The following GRM7 variants were observed in gnomAD, a reference collection of about 807,000 sequenced individuals.
GRM7 encodes glutamate metabotropic receptor 7.
A neutral mutation model predicts 84.5 loss-of-function variants in GRM7; 35 were observed. The observed-to-expected ratio is 0.41, with a 90% CI of 0.32 to 0.55. The LOEUF (loss-of-function observed/expected upper bound fraction) is 0.55, where lower values mean the gene tolerates loss of function less well. Ranked by LOEUF, GRM7 falls within the 20% of genes least tolerant of loss-of-function variation. The pLI is 0.19. For missense variants in GRM7, 1,003 were observed against 1,194.6 expected, an observed-to-expected ratio of 0.84 and a Z score of 2.36; for synonymous variants, 487 against 455.1, an observed-to-expected ratio of 1.07 and a Z score of -0.89.
chr3:7,385,415 C>A (rs898297367), intron 4 of GRM7, among the ~76,000 whole-genome samples: 3 of 150,480 alleles, frequency 2.0e-5, no homozygotes, highest in African/African-American at 7.3e-5. Flanking sequence ...ATTCTCCTGC[C>A]TCAGCCTCTT....
chr3:7,631,872 G>C (rs1170877145), intron 8 of GRM7, among the ~76,000 whole-genome samples: 4 of 152,204 alleles, frequency 2.6e-5, no homozygotes, highest in Non-Finnish European at 5.9e-5. Flanking sequence ...GTGTGTCTGT[G>C]TGTGTATCTG....
rs1351285503 is a variant in GRM7 at position 7,303,141 on chromosome 3, C to T, written c.879-3357C>T. Among the ~76,000 whole-genome samples the T allele has an allele frequency of 2.6e-5, 4 of 152,018 alleles. No individual in the cohort carries two copies. The South Asian group carries it at 6.2e-4, about 24-fold the overall frequency. On this transcript the variant is annotated intron_variant, in intron 3 of 9. Coordinates refer to ENST00000357716, the MANE Select transcript of GRM7 (RefSeq NM_000844.4). Reference sequence around the variant, plus strand: ...ATTTTTAGTAGAGACGGGCTTTCACCATGTTAGCCAGGATGGTCTTGATCT... The same window carrying T: ...ATTTTTAGTAGAGACGGGCTTTCACTATGTTAGCCAGGATGGTCTTGATCT...
chr3:7,248,091 G>T (rs972215112), intron 2 of GRM7, among the ~76,000 whole-genome samples: 5 of 152,112 alleles, frequency 3.3e-5, no homozygotes, highest in African/African-American at 4.8e-5. Flanking sequence ...CACCTATCTG[G>T]TTGGTAACCC....
chr3:7,613,868 G>A (rs1033185442), intron 8 of GRM7, among the ~76,000 whole-genome samples: 7 of 152,170 alleles, frequency 4.6e-5, no homozygotes, highest in Non-Finnish European at 8.8e-5. Context: ...TTTAGTAGAA[G>A]TTTTGATACC....
chr3:7,633,809 T>C (rs17047752), intron 8 of GRM7, among the ~76,000 whole-genome samples: 2,876 of 152,320 alleles, frequency 0.019, 91 homozygotes, highest in African/African-American at 0.06. Flanking sequence ...CCGTTCAAGC[T>C]GATCTTTTAA....
chr3:7,667,165 G>A (rs1374638327), intron 8 of GRM7, among the ~76,000 whole-genome samples: 1 of 152,102 alleles, frequency 6.6e-6, no homozygotes, highest in South Asian at 2.1e-4. Context: ...CTACTTGGGA[G>A]GCTGAGACAA....
At chr3:7,333,356 C>T (rs1394791361) in intron 4 of GRM7, among the ~76,000 whole-genome samples, 2 of 152,176 alleles carry the variant, frequency 1.3e-5, no homozygotes, top group African/African-American at 4.8e-5. Flanking sequence ...CCGGTAGCCC[C>T]ACTGTAGGGC....
chr3:7,621,662 T>G (rs144004058), intron 8 of GRM7, among the ~76,000 whole-genome samples: 1 of 152,136 alleles, frequency 6.6e-6, no homozygotes, highest in Non-Finnish European at 1.5e-5. Flanking sequence ...CAAAGGGACA[T>G]GTTTTTTTGT....
intron 4 of GRM7, among the ~76,000 whole-genome samples, chr3:7,351,505 C>T (rs761836491): frequency 1.1e-4 from 17 of 152,034 alleles, no homozygotes; most frequent in Non-Finnish European, 1.8e-4. Context: ...TTGAAGGTTG[C>T]ATGCAGCATT....
At chr3:7,629,108 T>G (rs972624315) in intron 8 of GRM7, among the ~76,000 whole-genome samples, 1 of 152,234 alleles carries the variant, frequency 6.6e-6, no homozygotes, top group Admixed American at 6.5e-5. Context: ...ACTTGACTGC[T>G]GCAGCTTAAA....
chr3:6,999,303 A>G (rs2124873351), intron 1 of GRM7, among the ~76,000 whole-genome samples: 1 of 152,330 alleles, frequency 6.6e-6, no homozygotes, highest in East Asian at 1.9e-4. Flanking sequence ...CATTGTCCAT[A>G]TCACTGTCAG....
At chr3:6,960,682 T>A (rs1184557151) in intron 1 of GRM7, among the ~76,000 whole-genome samples, 1 of 152,158 alleles carries the variant, frequency 6.6e-6, no homozygotes, top group East Asian at 1.9e-4. Flanking sequence ...AAATTCCCAA[T>A]CTCCAATATT....
At chr3:6,899,294 G>A (rs1696304497) in intron 1 of GRM7, among the ~76,000 whole-genome samples, 2 of 152,176 alleles carry the variant, frequency 1.3e-5, no homozygotes, top group Admixed American at 6.6e-5. Flanking sequence ...AAGTGAAAAT[G>A]TACTAGGAAA....
At chr3:7,576,712 C>T (rs1410263217) in intron 7 of GRM7, among the ~76,000 whole-genome samples, 6 of 152,160 alleles carry the variant, frequency 3.9e-5, no homozygotes, top group African/African-American at 1.4e-4. Flanking sequence ...CAATTAACTA[C>T]ATATGGAGAA....
chr3:7,006,209 A>G (rs1195634803), intron 1 of GRM7, among the ~76,000 whole-genome samples: 1 of 152,210 alleles, frequency 6.6e-6, no homozygotes, highest in Non-Finnish European at 1.5e-5. Context: ...TCTACTTTAT[A>G]TCATAGCCTT....
intron 3 of GRM7, among the ~76,000 whole-genome samples, chr3:7,302,151 A>T (rs1317911047): frequency 6.6e-6 from 1 of 152,116 alleles, no homozygotes; most frequent in Admixed American, 6.5e-5. Context: ...TTGCTAGAAA[A>T]ATTAAAGGTT....
At chr3:7,378,528 A>G (rs1053315442) in intron 4 of GRM7, among the ~76,000 whole-genome samples, 4 of 152,190 alleles carry the variant, frequency 2.6e-5, no homozygotes, top group African/African-American at 9.7e-5. Flanking sequence ...CAGATGGAGC[A>G]ACTACTAAGA....
intron 8 of GRM7, among the ~76,000 whole-genome samples, chr3:7,667,769 G>C (rs1053671208): frequency 1.3e-5 from 2 of 149,064 alleles, no homozygotes; most frequent in African/African-American, 4.9e-5. Context: ...AATATTTATT[G>C]ATAATTTCTT....
At chr3:7,682,336 CAAAAAAAAAAAA>C (rs905940773) in intron 9 of GRM7, 1 of 51,098 alleles carries the variant, frequency 2.0e-5, no homozygotes. Context: ...AACTCCATCT[CAAAAAAAAAAAA>C]AAAAAAAAGA....
Sources: allele counts gnomAD v4.1 joint callset (sites outside exome capture counted in the v4.1 genomes callset), GRCh38; gene constraint gnomAD v4.1.1; transcripts MANE v1.5; gene names NCBI Gene and HGNC (gene_info 2026-07-23, HGNC 2026-07-21).